Variants in RERE observed in about 807,000 individuals in gnomAD.
The protein encoded by RERE is arginine-glutamic acid dipeptide repeats protein.
In RERE, 40 loss-of-function variants were observed where a neutral mutation model predicts 146.1. The observed-to-expected ratio is 0.27, with a 90% CI of 0.21 to 0.36. The LOEUF (loss-of-function observed/expected upper bound fraction) is 0.36. Among genes scored for constraint, RERE ranks in the 10% least tolerant of loss-of-function variants. The pLI is 1.00. For missense variants in RERE, 1,933 were observed against 2,138.7 expected, an observed-to-expected ratio of 0.90 and a Z score of 1.90; for synonymous variants, 1,003 against 866.0, an observed-to-expected ratio of 1.16 and a Z score of -2.78.
intron 1 of RERE, among the ~76,000 whole-genome samples, chr1:8,784,910 G>T (rs1348295732): frequency 6.6e-6 from 1 of 152,128 alleles, no homozygotes; most frequent in Non-Finnish European, 1.5e-5. Flanking sequence ...ACACTAAAAG[G>T]TGTACCCAGG....
intron 1 of RERE, among the ~76,000 whole-genome samples, chr1:8,758,415 G>C (rs545726640): frequency 2.0e-5 from 3 of 147,384 alleles, no homozygotes; most frequent in Non-Finnish European, 4.5e-5. Flanking sequence ...TTAAAGAAAC[G>C]GGGTTTCACT....
At chr1:8,525,571 C>T (rs973240781) in intron 7 of RERE, among the ~76,000 whole-genome samples, 5 of 152,350 alleles carry the variant, frequency 3.3e-5, no homozygotes, top group Admixed American at 6.5e-5. Context: ...AATGCCTCTC[C>T]GGTAGTCCCC....
At chr1:8,599,387 T>C (rs144147646) in intron 4 of RERE, among the ~76,000 whole-genome samples, 5 of 152,196 alleles carry the variant, frequency 3.3e-5, no homozygotes, top group Admixed American at 6.5e-5. Context: ...GTCAGGTCAA[T>C]GTACCACGCA....
intron 1 of RERE, among the ~76,000 whole-genome samples, chr1:8,707,734 C>T (rs1333932853): frequency 6.6e-6 from 1 of 152,216 alleles, no homozygotes; most frequent in East Asian, 1.9e-4. Context: ...CAAACAGTGA[C>T]TGAATCCAGG....
intron 1 of RERE, among the ~76,000 whole-genome samples, chr1:8,780,225 C>T (rs554909176): frequency 6.6e-6 from 1 of 152,258 alleles, no homozygotes; most frequent in South Asian, 2.1e-4. Context: ...CCAGCACCCT[C>T]GTATGTATTA....
chr1:8,588,982 G>C (rs1056754444), intron 4 of RERE, among the ~76,000 whole-genome samples: 4 of 151,680 alleles, frequency 2.6e-5, no homozygotes, highest in Non-Finnish European at 4.4e-5. Context: ...ACATCAGCTG[G>C]GTGTGGTGGC....
At chr1:8,757,516 G>A (rs182756210) in intron 1 of RERE, among the ~76,000 whole-genome samples, 1 of 152,226 alleles carries the variant, frequency 6.6e-6, no homozygotes, top group East Asian at 1.9e-4. Context: ...ACTTATCAGA[G>A]GAACAAATGT....
At chr1:8,567,950 G>C (rs949142993) in intron 4 of RERE, among the ~76,000 whole-genome samples, 1 of 152,104 alleles carries the variant, frequency 6.6e-6, no homozygotes, top group African/African-American at 2.4e-5. Flanking sequence ...CCTGACTGTG[G>C]GGTTAATATC....
chr1:8,571,815 G>T (rs955309582), intron 4 of RERE, among the ~76,000 whole-genome samples: 2 of 152,216 alleles, frequency 1.3e-5, no homozygotes, highest in Non-Finnish European at 2.9e-5. Context: ...AGCAGGAAAT[G>T]AGAAGCCTTA....
intron 1 of RERE, among the ~76,000 whole-genome samples, chr1:8,722,620 G>C (rs1413733460): frequency 6.6e-6 from 1 of 152,174 alleles, no homozygotes; most frequent in Admixed American, 6.5e-5. Flanking sequence ...AAAAAGGATG[G>C]TTGCTTCTGT....
chr1:8,501,685 G>A (rs1352898168), intron 8 of RERE, among the ~76,000 whole-genome samples: 1 of 96,234 alleles, frequency 1.0e-5, no homozygotes, highest in African/African-American at 3.9e-5. Context: ...CCCCCGCCCG[G>A]CCAGCCGCCC....
intron 4 of RERE, among the ~76,000 whole-genome samples, chr1:8,570,659 C>A (rs1646211279): frequency 6.6e-6 from 1 of 152,162 alleles, no homozygotes; most frequent in Admixed American, 6.5e-5. Flanking sequence ...CAAATGACGT[C>A]TTGGTATCAT....
At chr1:8,761,600 C>G (rs1023095215) in intron 1 of RERE, among the ~76,000 whole-genome samples, 4 of 152,142 alleles carry the variant, frequency 2.6e-5, no homozygotes, top group African/African-American at 4.8e-5. Flanking sequence ...TGTCATACCT[C>G]TTCATTTCCC....
chr1:8,386,012 A>ATTTTTT (rs1642654811), intron 12 of RERE, among the ~76,000 whole-genome samples: 1 of 44,756 alleles, frequency 2.2e-5, no homozygotes, highest in Non-Finnish European at 4.1e-5. Flanking sequence ...ATATATATAT[A>ATTTTTT]TATATATATA....
intron 12 of RERE, among the ~76,000 whole-genome samples, chr1:8,393,668 G>A (rs545233839): frequency 1.3e-3 from 198 of 152,256 alleles, no homozygotes; most frequent in African/African-American, 4.3e-3. Context: ...AATATTATTT[G>A]AAAAGCATAG....
rs980005914 is a variant in RERE, at chr1:8,757,048, C to T, written c.-145+60112G>A. On this transcript the variant is annotated intron_variant, in intron 1 of 22. Coordinates refer to ENST00000400908, the MANE Select transcript of RERE (RefSeq NM_001042681.2). ...GAGGTGGCATTGAGCCGAGATTGTG[C>T]CATTGCACTCCAACCTGGGCAACAA... Among the ~76,000 whole-genome samples, 8 of 148,720 alleles carry T rather than the reference C, an allele frequency of 5.4e-5. No individual in the cohort carries two copies. The East Asian group carries it at 7.9e-4, about 15-fold the overall frequency.
At chr1:8,422,133 C>T (rs938806002) in intron 12 of RERE, among the ~76,000 whole-genome samples, 3 of 152,180 alleles carry the variant, frequency 2.0e-5, no homozygotes, top group Non-Finnish European at 4.4e-5. Context: ...AGCTCTGACC[C>T]CCAGCTTTGT....
At chr1:8,647,256 G>A (rs949802427) in intron 2 of RERE, among the ~76,000 whole-genome samples, 17 of 152,040 alleles carry the variant, frequency 1.1e-4, no homozygotes, top group African/African-American at 4.1e-4. Context: ...TAAGATTAAC[G>A]TTGATTAAAT....
chr1:8,664,036 TG>T (rs1638514692), intron 1 of RERE, among the ~76,000 whole-genome samples: 1 of 152,146 alleles, frequency 6.6e-6, no homozygotes, highest in Non-Finnish European at 1.5e-5. Flanking sequence ...ATCCCACTAG[TG>T]TTATCAGTTG....
Sources: gnomAD v4.1 joint callset for allele counts (sites outside exome capture counted in the v4.1 genomes callset) on GRCh38, gnomAD v4.1.1 for gene constraint, MANE v1.5 for transcripts, NCBI Gene and HGNC (gene_info 2026-07-23, HGNC 2026-07-21) for gene names.